The following PHF24 variants were observed in gnomAD, a reference collection of about 807,000 sequenced individuals.
The protein encoded by PHF24 is PHD finger protein 24.
PHF24 carries 25 observed loss-of-function variants against 42.6 expected under a neutral mutation model. That is an observed-to-expected ratio of 0.59 (90% CI 0.43 to 0.82). The LOEUF (loss-of-function observed/expected upper bound fraction) is 0.82. PHF24 is among the 40% of genes least tolerant of loss of function. The pLI, the probability that PHF24 is intolerant of heterozygous loss-of-function variation, is 0.00. For synonymous variants in PHF24, 185 were observed against 204.8 expected (o/e 0.90, Z 0.83); for missense variants, 470 against 538.1 (o/e 0.87, Z 1.25).
the PHF24 span, chr9:34,918,360 T>A: frequency 1.4e-6 from 1 of 704,128 alleles, no homozygotes; most frequent in South Asian, 1.5e-5. Context: ...CTCTTCCCCC[T>A]CTCCCAGTTG....
the PHF24 span, among the ~76,000 whole-genome samples, chr9:34,826,977 G>A: frequency 6.6e-6 from 1 of 152,124 alleles, no homozygotes; most frequent in Non-Finnish European, 1.5e-5. Context: ...TAAGTCATAG[G>A]CTATGACCCC....
the PHF24 span, chr9:34,833,016 A>C: frequency 1.6e-5 from 25 of 1,551,264 alleles, no homozygotes; most frequent in Non-Finnish European, 2.1e-5. Context: ...CATCGCCAGG[A>C]CCCTCGGGGT....
chr9:34,851,592 C>G, the PHF24 span, among the ~76,000 whole-genome samples: 1 of 152,226 alleles, frequency 6.6e-6, no homozygotes, highest in African/African-American at 2.4e-5. Context: ...GGCTCGCACA[C>G]AGTGCGCTGC....
chr9:34,914,668 C>T, the PHF24 span, among the ~76,000 whole-genome samples: 1 of 152,306 alleles, frequency 6.6e-6, no homozygotes, highest in East Asian at 1.9e-4. Flanking sequence ...TCTATTCTTT[C>T]TCAGCTAACA....
the PHF24 span, among the ~76,000 whole-genome samples, chr9:34,900,566 T>C: frequency 1.3e-5 from 2 of 152,162 alleles, no homozygotes; most frequent in Admixed American, 6.5e-5. Flanking sequence ...ACCACTGCAC[T>C]CCAGCCTAGG....
the PHF24 span, chr9:34,917,726 T>C: frequency 1.2e-6 from 1 of 809,178 alleles, no homozygotes; most frequent in Non-Finnish European, 2.3e-6. Context: ...CAGCGCCTGC[T>C]TGTATGCTGG....
the PHF24 span, among the ~76,000 whole-genome samples, chr9:34,769,023 T>A: frequency 2.0e-5 from 3 of 151,668 alleles, no homozygotes; most frequent in East Asian, 5.8e-4. Flanking sequence ...GAGAAGAAGG[T>A]CCCCTTTACA....
At chr9:34,830,890 G>C in the PHF24 span, among the ~76,000 whole-genome samples, 1 of 152,082 alleles carries the variant, frequency 6.6e-6, no homozygotes, top group Non-Finnish European at 1.5e-5. Flanking sequence ...CATTCCAAAG[G>C]TTTCAGAGAA....
At chr9:34,756,435 T>G in the PHF24 span, among the ~76,000 whole-genome samples, 5 of 152,312 alleles carry the variant, frequency 3.3e-5, no homozygotes, top group African/African-American at 1.2e-4. Context: ...TTCTTCTGCA[T>G]ATGGATATTC....
the PHF24 span, among the ~76,000 whole-genome samples, chr9:34,856,946 G>T: frequency 1.3e-5 from 2 of 152,214 alleles, no homozygotes; most frequent in African/African-American, 4.8e-5. Flanking sequence ...TGTACATATA[G>T]CCCTGGCTGG....
the PHF24 span, chr9:34,725,079 A>T: frequency 1.3e-6 from 2 of 1,551,570 alleles, no homozygotes; most frequent in African/African-American, 2.7e-5. Context: ...AGTTCCAGGA[A>T]CTGGCTTTCT....
At chr9:34,977,609 C>T in exon 7 of PHF24, 1 of 1,606,392 alleles carries the variant, frequency 6.2e-7, no homozygotes, top group Non-Finnish European at 8.5e-7. Context: ...AGAGTCAGGA[C>T]AAGACCCTGC....
the PHF24 span, among the ~76,000 whole-genome samples, chr9:34,800,342 C>T: frequency 8.5e-5 from 13 of 152,096 alleles, no homozygotes; most frequent in South Asian, 1.5e-3. Flanking sequence ...TTAATTTGTT[C>T]TAATAGCTGA....
the PHF24 span, among the ~76,000 whole-genome samples, chr9:34,785,348 A>G: frequency 6.6e-6 from 1 of 152,250 alleles, no homozygotes; most frequent in Non-Finnish European, 1.5e-5. Context: ...ATCACTTCCC[A>G]AAGGGTCCGA....
At chr9:34,917,406 T>A in the PHF24 span, 1 of 769,354 alleles carries the variant, frequency 1.3e-6, no homozygotes, top group Non-Finnish European at 2.4e-6. Flanking sequence ...AACAGTGACA[T>A]GTATCTCGTT....
the PHF24 span, among the ~76,000 whole-genome samples, chr9:34,829,840 G>T: frequency 6.6e-6 from 1 of 152,206 alleles, no homozygotes; most frequent in African/African-American, 2.4e-5. Flanking sequence ...CTGTCTTGAT[G>T]TATGAACTGA....
At chr9:34,679,290 G>T in the PHF24 span, among the ~76,000 whole-genome samples, 1 of 152,220 alleles carries the variant, frequency 6.6e-6, no homozygotes, top group African/African-American at 2.4e-5. Flanking sequence ...CACATTTCCA[G>T]CATGCTTGCT....
chr9:34,869,456 G>A, the PHF24 span, among the ~76,000 whole-genome samples: 4 of 152,138 alleles, frequency 2.6e-5, no homozygotes, highest in Admixed American at 6.5e-5. Flanking sequence ...TCTGACTGAC[G>A]TGAGATGTTA....
chr9:34,918,066 CGACACCTAACTG>C, the PHF24 span: 1 of 1,428,274 alleles, frequency 7.0e-7, no homozygotes, highest in African/African-American at 1.4e-5. Flanking sequence ...GGACAAGGCC[CGACACCTAACTG>C]GATTCCATGA....
Sources: gnomAD v4.1 joint callset for allele counts (sites outside exome capture counted in the v4.1 genomes callset) on GRCh38, gnomAD v4.1.1 for gene constraint, MANE v1.5 for transcripts, NCBI Gene and HGNC (gene_info 2026-07-23, HGNC 2026-07-21) for gene names.